The following RYK variants were observed in gnomAD, a reference collection of about 807,000 sequenced individuals.
The protein encoded by RYK is inactive tyrosine-protein kinase RYK.
Under a neutral mutation model 70.2 loss-of-function variants are expected in RYK, and 21 were observed. The observed-to-expected ratio is 0.30, with a 90% CI of 0.21 to 0.43. The LOEUF (loss-of-function observed/expected upper bound fraction) is 0.43, where lower values mean the gene tolerates loss of function less well. RYK is among the 20% of genes least tolerant of loss of function. The pLI is 1.00. For missense variants in RYK, 604 were observed against 753.3 expected (o/e 0.80, Z 2.32); for synonymous variants, 267 against 278.0 (o/e 0.96, Z 0.39).
intron 1 of RYK, among the ~76,000 whole-genome samples, chr3:134,241,888 A>C (rs1382393025): frequency 6.6e-6 from 1 of 152,184 alleles, no homozygotes; most frequent in African/African-American, 2.4e-5. Context: ...TTGATAAAAG[A>C]GAACATATGT....
chr3:134,164,082 A>G (rs149733211), intron 13 of RYK, among the ~76,000 whole-genome samples: 123 of 152,264 alleles, frequency 8.1e-4, no homozygotes, highest in African/African-American at 2.8e-3. Context: ...GTGATCCACC[A>G]GCCGTGGCCT....
Position 134,250,403 on chromosome 3 carries a change from G to T in RYK, c.232+20C>A. On this transcript the variant is annotated intron_variant, in intron 1 of 14. Coordinates refer to ENST00000623711, the MANE Select transcript of RYK (RefSeq NM_002958.4). ...CAGCCGGCCCGACCTGCCCGCCCCG[G>T]CCTCGGCGGCCCCACTCACCGATCA... The T allele has an allele frequency of 7.3e-7, 1 of 1,365,182 alleles. No homozygotes were observed. The highest frequency in any genetic ancestry group is 9.5e-7 in the Non-Finnish European group (1 of 1,054,508). The allele number at this position is 1,365,182 out of a possible 1,614,324, so 84.6% of individuals were successfully genotyped here.
At chr3:134,193,039 A>G (rs1307969679) in intron 7 of RYK, among the ~76,000 whole-genome samples, 1 of 152,050 alleles carries the variant, frequency 6.6e-6, no homozygotes, top group Non-Finnish European at 1.5e-5. Flanking sequence ...ATTTCTATTG[A>G]CTTTTTTAAA....
Position 134,198,010 on chromosome 3 carries a change from T to A in RYK, c.789-2828A>T, listed in dbSNP as rs189002949. ...ACTATGCTAAGTGGTCAGAACGAAA[T>A]TTTTTTTTGAATCCAAGACTTACTG... On this transcript the variant is annotated intron_variant, in intron 6 of 14. Coordinates refer to ENST00000623711, the MANE Select transcript of RYK (RefSeq NM_002958.4). Among the ~76,000 whole-genome samples, 916 of 151,894 alleles carry A rather than the reference T, an allele frequency of 6.0e-3. 2 individuals are homozygous for A. Among genetic ancestry groups the A allele is most frequent in the Non-Finnish European group, 9.5e-3 (648 of 67,912 alleles).
chr3:134,211,498 TCTTA>T lies in RYK; in HGVS notation c.454+6_454+9del. 1 of 1,594,250 alleles carries T rather than the reference TCTTA, an allele frequency of 6.3e-7. No homozygotes were observed. Among genetic ancestry groups the T allele is most frequent in the African/African-American group, 1.3e-5 (1 of 74,436 alleles). On this transcript the variant is annotated splice_donor_region_variant and intron_variant, in intron 3 of 14. Coordinates refer to ENST00000623711, the MANE Select transcript of RYK (RefSeq NM_002958.4). ...GTATGTTAACTCTGTCTTTGAAGAC[TCTTA>T]CTTACCTGATAAAGTGCGTGGAACT...
chr3:134,238,434 G>A (rs2107694251), intron 1 of RYK, among the ~76,000 whole-genome samples: 1 of 152,274 alleles, frequency 6.6e-6, no homozygotes, highest in Admixed American at 6.5e-5. Flanking sequence ...ACCAACAACA[G>A]CAGACAACAT....
At position 134,250,610 on chromosome 3, in the gene RYK, G is replaced by C; in HGVS notation, c.45C>G (p.Leu15=). 9.6e-7 allele frequency: 1 copy of C among 1,038,868 alleles called. No individual in the cohort carries two copies. The highest frequency in any genetic ancestry group is 6.6e-5 in the East Asian group (1 of 15,250). 64.4% of individuals were successfully genotyped at this position (1,038,868 alleles called of 1,614,324 possible). A position where few individuals can be genotyped will look rare whatever the true frequency, so the allele number is the denominator to read the frequency against. The change falls in exon 1 of 15, where the codon CTC becomes CTG. Residue 15 remains leucine (L), a synonymous_variant. Transcript: ENST00000623711. ...GGGCCCTCAGGCCGCGGGCCCCCGGGAGGCAACTCCGGCCCGGCCGCCCCA... is the reference window on the plus strand; with the variant it reads ...GGGCCCTCAGGCCGCGGGCCCCCGGCAGGCAACTCCGGCCCGGCCGCCCCA... ...ARLGRPGRSC[L]PGARGLRAPP... is the part of the protein sequence containing the mutation.
chr3:134,189,740 C>CAAAAAAAAAAAAA (rs57016937), intron 8 of RYK, among the ~76,000 whole-genome samples: 29 of 92,614 alleles, frequency 3.1e-4, no homozygotes, highest in African/African-American at 3.4e-4. Context: ...GAGACTCCGC[C>CAAAAAAAAAAAAA]AAAAAAAAAA....
intron 6 of RYK, among the ~76,000 whole-genome samples, chr3:134,200,883 G>A (rs985397966): frequency 1.3e-5 from 2 of 152,212 alleles, no homozygotes; most frequent in Non-Finnish European, 2.9e-5. Context: ...ACTTTTGCCT[G>A]AAAACTAAAG....
chr3:134,162,796 G>C (rs946012581), intron 13 of RYK, among the ~76,000 whole-genome samples: 9 of 152,096 alleles, frequency 5.9e-5, no homozygotes, highest in African/African-American at 2.2e-4. Context: ...TGCACAGATG[G>C]AACAGAGCCC....
At chr3:134,162,535 A>C (rs190277629) in intron 13 of RYK, among the ~76,000 whole-genome samples, 4 of 152,316 alleles carry the variant, frequency 2.6e-5, no homozygotes, top group African/African-American at 9.6e-5. Context: ...GAGGCTACTG[A>C]AATTTCCCTT....
chr3:134,201,608 C>T (rs1353831451), intron 6 of RYK, among the ~76,000 whole-genome samples: 3 of 152,066 alleles, frequency 2.0e-5, no homozygotes, highest in Admixed American at 2.0e-4. Flanking sequence ...AGCAATGGAG[C>T]TGGAATTTGA....
At chr3:134,243,789 G>A (rs2015384186) in intron 1 of RYK, among the ~76,000 whole-genome samples, 2 of 151,748 alleles carry the variant, frequency 1.3e-5, no homozygotes, top group African/African-American at 4.8e-5. Context: ...TCTCCCCTCC[G>A]CCCTTTCCAC....
chr3:134,234,286 G>A (rs1220868391), intron 1 of RYK, among the ~76,000 whole-genome samples: 1 of 152,090 alleles, frequency 6.6e-6, no homozygotes, highest in Non-Finnish European at 1.5e-5. Flanking sequence ...AATCACATTT[G>A]TAACGACATT....
chr3:134,172,326 C>T (rs1463099460), intron 13 of RYK, among the ~76,000 whole-genome samples: 1 of 152,208 alleles, frequency 6.6e-6, no homozygotes. Flanking sequence ...TGAGATCACA[C>T]TGCTCTAATT....
chr3:134,159,412 A>C (rs779798928), intron 13 of RYK, 39 bp from the exon 14 acceptor site: 3 of 1,544,130 alleles, frequency 1.9e-6, no homozygotes, highest in Non-Finnish European at 2.6e-6. Context: ...GGACATTTAA[A>C]ACAACAGTCA....
At chr3:134,214,282 C>T (rs1485842606) in intron 2 of RYK, among the ~76,000 whole-genome samples, 1 of 152,130 alleles carries the variant, frequency 6.6e-6, no homozygotes, top group African/African-American at 2.4e-5. Flanking sequence ...TGCAAAAATG[C>T]CATTCTATCA....
At chr3:134,199,050 G>A (rs887930693) in intron 6 of RYK, among the ~76,000 whole-genome samples, 9 of 152,164 alleles carry the variant, frequency 5.9e-5, no homozygotes, top group African/African-American at 2.2e-4. Context: ...CAACCCCTCT[G>A]CAGGACTTCA....
chr3:134,185,045 G>A (rs2013418489), intron 9 of RYK, among the ~76,000 whole-genome samples: 1 of 151,482 alleles, frequency 6.6e-6, no homozygotes, highest in Admixed American at 6.6e-5. Context: ...TGAGGTGGGG[G>A]ATTGCTTGAG....
Sources: gnomAD v4.1 joint callset for allele counts (sites outside exome capture counted in the v4.1 genomes callset) on GRCh38, gnomAD v4.1.1 for gene constraint, MANE v1.5 for transcripts, NCBI Gene and HGNC (gene_info 2026-07-23, HGNC 2026-07-21) for gene names.